Variants in ZFHX3 observed in about 807,000 individuals in gnomAD.
ZFHX3 encodes zinc finger homeobox protein 3.
ZFHX3 carries 42 observed loss-of-function variants against 279.1 expected under a neutral mutation model. That is an observed-to-expected ratio of 0.15 (90% CI 0.12 to 0.19). The LOEUF is 0.19. Among genes scored for constraint, ZFHX3 ranks in the 10% least tolerant of loss-of-function variants. ZFHX3 has a pLI of 1.00. For missense variants in ZFHX3, 4,981 were observed against 4,754.0 expected (o/e 1.05, Z -1.40); for synonymous variants, 2,293 against 1,957.8 (o/e 1.17, Z -4.52).
chr16:73,113,908 C>A (rs1226398454), intron 7 of ZFHX3, among the ~76,000 whole-genome samples: 2 of 151,032 alleles, frequency 1.3e-5, no homozygotes, highest in African/African-American at 4.9e-5. Flanking sequence ...CATTCTCCTG[C>A]CTCAGCCTCC....
intron 3 of ZFHX3, among the ~76,000 whole-genome samples, chr16:73,445,423 C>G (rs972104262): frequency 6.6e-6 from 1 of 152,006 alleles, no homozygotes; most frequent in East Asian, 1.9e-4. Context: ...TTTCCCCTGA[C>G]TTTTTCATTG....
In ZFHX3 at chr16:73,592,860, T is replaced by C. The variant is rs555480551; in HGVS notation, c.-1547+87320A>G. On this transcript the variant is annotated intron_variant, in intron 2 of 17. Coordinates refer to the ZFHX3 transcript ENST00000641206. ...GAATCTCTAACTTTTAAAAGATTAA[T>C]AAAAACAAAGAAACTACTGGTAAGA... is the stretch of plus-strand genomic sequence containing the variant. Among the ~76,000 whole-genome samples, 4 of 150,536 alleles carry C rather than the reference T, an allele frequency of 2.7e-5. No individual in the cohort carries two copies. The East Asian group carries it at 7.8e-4, about 29-fold the overall frequency.
At chr16:73,751,696 G>A (rs1243728829) in intron 1 of ZFHX3, among the ~76,000 whole-genome samples, 1 of 152,016 alleles carries the variant, frequency 6.6e-6, no homozygotes, top group African/African-American at 2.4e-5. Context: ...AGAAGTTAGG[G>A]GTCCTGAGAG....
Position 72,787,506 on chromosome 16 carries a change from G to C in ZFHX3, c.10770C>G (p.Ala3590=), listed in dbSNP as rs779569649. The change falls in exon 10 of 10, where the codon GCC becomes GCG. Residue 3590 remains alanine (A), a synonymous_variant. Coordinates refer to ENST00000268489, the MANE Select transcript of ZFHX3 (RefSeq NM_006885.4). ...GAGGGGGGCTGTCGTTTGAGTGAGC[G>C]GCAGACTGCGAGGTAGATGCGGTGC... ...DPSTASTSQS[A]AHSNDSPPPP... 4 of 1,613,776 alleles carry C rather than the reference G, an allele frequency of 2.5e-6. No individual in the cohort carries two copies. The highest frequency in any genetic ancestry group is 3.3e-5 in the Admixed American group (2 of 59,998).
intron 5 of ZFHX3, among the ~76,000 whole-genome samples, chr16:73,152,856 G>T (rs1022784117): frequency 3.3e-5 from 5 of 151,854 alleles, no homozygotes; most frequent in African/African-American, 1.2e-4. Flanking sequence ...CGAGAAGAGA[G>T]GGCCAGCTGA....
At chr16:73,495,115 A>C (rs186820954) in intron 2 of ZFHX3, among the ~76,000 whole-genome samples, 1 of 152,336 alleles carries the variant, frequency 6.6e-6, no homozygotes, top group East Asian at 1.9e-4. Context: ...TGTTTCTAAT[A>C]ATTGTGATGG....
intron 3 of ZFHX3, among the ~76,000 whole-genome samples, chr16:73,350,645 G>A (rs889584966): frequency 6.6e-6 from 1 of 152,190 alleles, no homozygotes; most frequent in Non-Finnish European, 1.5e-5. Context: ...TCTCATATAG[G>A]CTTATGTTTC....
intron 1 of ZFHX3, among the ~76,000 whole-genome samples, chr16:72,981,279 G>C (rs991647987): frequency 6.6e-6 from 1 of 152,120 alleles, no homozygotes; most frequent in Non-Finnish European, 1.5e-5. Flanking sequence ...CATAGCACCT[G>C]ACAGCCTTTA....
intron 1 of ZFHX3, among the ~76,000 whole-genome samples, chr16:73,746,325 A>G (rs558465303): frequency 1.2e-4 from 18 of 152,136 alleles, no homozygotes; most frequent in Non-Finnish European, 2.1e-4. Flanking sequence ...GGAGAAGGAA[A>G]AAGAAACTTC....
intron 4 of ZFHX3, among the ~76,000 whole-genome samples, chr16:72,862,864 C>A (rs780771100): frequency 6.6e-6 from 1 of 152,052 alleles, no homozygotes; most frequent in African/African-American, 2.4e-5. Context: ...GAGGAACATA[C>A]AGGTAAAGAG....
At chr16:73,323,089 AG>A (rs972519068) in intron 3 of ZFHX3, among the ~76,000 whole-genome samples, 1 of 152,216 alleles carries the variant, frequency 6.6e-6, no homozygotes, top group African/African-American at 2.4e-5. Flanking sequence ...GAGTTTGCCA[AG>A]AACAAGAGTT....
chr16:73,171,927 A>G (rs1232566469), intron 5 of ZFHX3, among the ~76,000 whole-genome samples: 1 of 152,162 alleles, frequency 6.6e-6, no homozygotes, highest in Non-Finnish European at 1.5e-5. Flanking sequence ...ATCATTACAC[A>G]TTATATCAAA....
chr16:72,874,692 CTG>C (rs913626763), intron 4 of ZFHX3, among the ~76,000 whole-genome samples: 7 of 151,230 alleles, frequency 4.6e-5, no homozygotes, highest in African/African-American at 1.7e-4. Flanking sequence ...CAGGGTCTCG[CTG>C]TGTTGCCCAG....
At position 72,957,597 on chromosome 16, in the gene ZFHX3, A is replaced by C. The variant is rs1961313618; in HGVS notation, c.2549T>G (p.Leu850Arg). 3.1e-6 allele frequency: 5 copies of C among 1,613,994 alleles called. No individual in the cohort carries two copies. In the Admixed American group the frequency reaches 8.3e-5, roughly 27 times the overall value. The change falls in exon 2 of 10, where the codon CTC (leucine) becomes CGC (arginine). Residue 850 changes from leucine to arginine, a missense_variant. By Grantham distance (102) the Leu-to-Arg change is moderately radical. Transcript: ENST00000268489. ...CTCGGCGGGTGAGGGCAGGCTGCCG[A>C]GGCCCAGGTGGCGGTTGTGTTGGAT... The part of the protein sequence containing the change: ...TQIQHNRHLG[L>R]GSLPSPAEAE...
chr16:73,395,230 C>T lies in ZFHX3; in HGVS notation c.-1291+60773G>A, dbSNP rs770455352. On this transcript the variant is annotated intron_variant, in intron 3 of 17. Transcript: ENST00000641206. Reference sequence around the variant, plus strand: ...CTGTAATCCCAGCACTTTGGGAGGCCGAGGCAGGTGGATCACCTCTGTCAG... The same window carrying T: ...CTGTAATCCCAGCACTTTGGGAGGCTGAGGCAGGTGGATCACCTCTGTCAG... 5.3e-5 allele frequency among the ~76,000 whole-genome samples: 8 copies of T among 152,092 alleles called. No individual in the cohort carries two copies. In the East Asian group the frequency reaches 9.6e-4, roughly 18 times the overall value.
intron 1 of ZFHX3, among the ~76,000 whole-genome samples, chr16:73,031,600 A>G (rs1467963190): frequency 6.6e-6 from 1 of 152,222 alleles, no homozygotes; most frequent in Non-Finnish European, 1.5e-5. Context: ...GTTTCCAGAC[A>G]AAAACAATAA....
At chr16:73,229,555 C>T (rs935037079) in intron 5 of ZFHX3, among the ~76,000 whole-genome samples, 1 of 151,972 alleles carries the variant, frequency 6.6e-6, no homozygotes, top group Admixed American at 6.6e-5. Context: ...AACTGGGTCC[C>T]TTTCATGAAA....
At chr16:73,886,077 C>T (rs2030336276) in intron 1 of ZFHX3, among the ~76,000 whole-genome samples, 1 of 152,168 alleles carries the variant, frequency 6.6e-6, no homozygotes, top group Admixed American at 6.5e-5. Flanking sequence ...GAACCTTACA[C>T]AATCCATTCA....
chr16:73,681,326 T>C (rs1597062706), intron 1 of ZFHX3, among the ~76,000 whole-genome samples: 1 of 152,136 alleles, frequency 6.6e-6, no homozygotes, highest in African/African-American at 2.4e-5. Flanking sequence ...AGAATGATCG[T>C]CCAAAGCGAA....
Sources: gnomAD v4.1 joint callset for allele counts (sites outside exome capture counted in the v4.1 genomes callset) on GRCh38, gnomAD v4.1.1 for gene constraint, MANE v1.5 for transcripts, NCBI Gene and HGNC (gene_info 2026-07-23, HGNC 2026-07-21) for gene names.